MYBBP1A: variants seen among roughly 807,000 people sequenced by gnomAD.
MYBBP1A encodes the protein myb-binding protein 1A.
Under a neutral mutation model 136.3 loss-of-function variants are expected in MYBBP1A, and 147 were observed. The observed-to-expected ratio is 1.08, with a 90% CI of 0.94 to 1.24. The LOEUF is 1.24. Ranked by LOEUF, MYBBP1A falls within the 50% of genes most tolerant of loss-of-function variation. The probability of loss-of-function intolerance (pLI) is 0.00; values close to 1 mark genes in which losing one functional copy is unlikely to be tolerated. For missense variants in MYBBP1A, 2,060 were observed against 1,727.4 expected (o/e 1.19, Z -3.41); for synonymous variants, 947 against 735.8 (o/e 1.29, Z -4.65).
chr17:4,550,485 C>A, intron 8 of MYBBP1A, 132 bp from the exon 9 acceptor site: 4 of 990,592 alleles, frequency 4.0e-6, no homozygotes, highest in East Asian at 4.8e-5. Context: ...CAACAGCCCA[C>A]CAGGCTTGTG....
Position 4,551,928 on chromosome 17 carries a change from C to A in MYBBP1A, c.975G>T (p.Met325Ile). 2.5e-6 allele frequency: 4 copies of A among 1,613,240 alleles called. No individual in the cohort carries two copies. Among genetic ancestry groups the A allele is most frequent in the Non-Finnish European group, 3.4e-6 (4 of 1,179,586 alleles). ...LLTKEQLHLVMQGDVIRHYGE... is the reference protein window; with the variant it reads ...LLTKEQLHLVIQGDVIRHYGE... ...CGTAATGGCGGATCACGTCTCCCTG[C>A]ATCACCAGGTGCAGCTGCTCCTTGG... Residue 325 changes from methionine (M) to isoleucine (I), a missense_variant, in exon 8 of 26, where the codon ATG becomes ATT. Met to Ile is a conservative substitution (Grantham distance 10). Transcript: ENST00000254718.
chr17:4,548,165 G>A lies in MYBBP1A; in HGVS notation c.1702C>T (p.Gln568Ter), dbSNP rs1907164705. 2.5e-6 allele frequency: 4 copies of A among 1,605,148 alleles called. No homozygotes were observed. Among genetic ancestry groups the A allele is most frequent in the Non-Finnish European group, 3.4e-6 (4 of 1,179,988 alleles). Residue 568 changes from glutamine to a stop codon, truncating the protein, a stop_gained, in exon 12 of 26, where the codon CAG becomes TAG. Coordinates refer to ENST00000254718, the MANE Select transcript of MYBBP1A (RefSeq NM_014520.4). LOFTEE classifies it high-confidence loss of function. The surrounding 1 kb of genome is among the most constrained non-coding windows in gnomAD (Gnocchi z 4.2). Reference sequence around the variant, plus strand: ...CACCGGTCCCAGGCCTGGCGCTGCTGCGCAGTGAAGGGTGTCACGGTGGTC... The same window carrying A: ...CACCGGTCCCAGGCCTGGCGCTGCTACGCAGTGAAGGGTGTCACGGTGGTC... ...NVTTVTPFTAQQRQAWDRMLQ... is the reference protein window; with the variant it reads ...NVTTVTPFTA
In MYBBP1A at chr17:4,545,612, C is replaced by G. The variant is rs1311654739; in HGVS notation, c.2071G>C (p.Asp691His). ...LTPRALQLILDVLNPETSEDE... is the reference protein window; with the variant it reads ...LTPRALQLILHVLNPETSEDE... ...CACTCCCAAAGGTCCCAACTCACAT[C>G]CAGAATTAGCTGCAGGGCACGCGGG... The change falls in exon 15 of 26, where the codon GAT (aspartate) becomes CAT (histidine). Residue 691 changes from aspartate (D) to histidine (H), a missense_variant and splice_region_variant. By Grantham distance (81) the Asp-to-His change is moderately conservative. Coordinates refer to ENST00000254718, the MANE Select transcript of MYBBP1A (RefSeq NM_014520.4). The G allele has an allele frequency of 1.3e-6, 2 of 1,581,476 alleles. No individual in the cohort carries two copies. The highest frequency in any genetic ancestry group is 2.7e-5 in the African/African-American group (2 of 74,304).
At chr17:4,553,671 C>T in intron 5 of MYBBP1A, 139 bp downstream of exon 5, 2 of 655,798 alleles carry the variant, frequency 3.0e-6, no homozygotes, top group South Asian at 3.9e-5. Flanking sequence ...TTTACCTTTT[C>T]AACAAAGTCA....
chr17:4,548,425 G>C lies in MYBBP1A; in HGVS notation c.1556+99C>G. 1.2e-6 allele frequency: 2 copies of C among 1,606,520 alleles called. No homozygotes were observed. Among genetic ancestry groups the C allele is most frequent in the African/African-American group, 2.7e-5 (2 of 74,868 alleles). ...TCTCCAGGACCTACTAGAACTCCGG[G>C]GGCCTCTGCCGTTGTTCCCAGCTTA... On this transcript the variant is annotated intron_variant, in intron 11 of 25. Transcript: ENST00000254718. The surrounding 1 kb of genome is among the most constrained non-coding windows in gnomAD (Gnocchi z 4.2).
chr17:4,539,810 C>T lies in MYBBP1A; in HGVS notation c.3592G>A (p.Ala1198Thr), dbSNP rs967751300. Residue 1198 changes from alanine (A) to threonine (T), a missense_variant, in exon 26 of 26, where the codon GCA becomes ACA. By Grantham distance (58) the Ala-to-Thr change is moderately conservative. Coordinates refer to ENST00000254718, the MANE Select transcript of MYBBP1A (RefSeq NM_014520.4). ...DGTPAEDGTP[A>T]ATGGSQPPSM... is the part of the protein sequence containing the mutation. Reference sequence around the variant, plus strand: ...GGGGGCTGGCTCCCGCCGGTGGCTGCAGGTGTGCCATCCTCCGCTGGCGTG... The same window carrying T: ...GGGGGCTGGCTCCCGCCGGTGGCTGTAGGTGTGCCATCCTCCGCTGGCGTG... 1.9e-6 allele frequency: 3 copies of T among 1,611,820 alleles called. No individual in the cohort carries two copies. The highest frequency in any genetic ancestry group is 8.5e-7 in the Non-Finnish European group (1 of 1,180,000).
chr17:4,545,058 G>C lies in MYBBP1A; in HGVS notation c.2278C>G (p.Leu760Val), dbSNP rs775335820. 1.0e-4 allele frequency: 158 copies of C among 1,529,894 alleles called. No individual in the cohort carries two copies. The highest frequency in any genetic ancestry group is 1.3e-4 in the Non-Finnish European group (144 of 1,141,600). The allele number at this position is 1,529,894 out of a possible 1,614,324, so 94.8% of individuals were successfully genotyped here. A position where few individuals can be genotyped will look rare whatever the true frequency, so the allele number is the denominator to read the frequency against. ...TTCCCAGCCTGCAGCACGGTCATCA[G>C]CTGTTCCCGGAAGCCCTGATCCACG... ...GDVDQGFREQ[L>V]MTVLQAGKAL... is the part of the protein sequence containing the mutation. The change falls in exon 17 of 26, where the codon CTG becomes GTG. Residue 760 changes from leucine to valine, a missense_variant. By Grantham distance (32) the Leu-to-Val change is conservative. Transcript: ENST00000254718.
rs754444872 is a variant in MYBBP1A, at chr17:4,542,758, C to G, written c.2893-17G>C. ...GCTGGCAGCCTAGGCCAGGGGAGAGCGAGCTGGGTGAGGCCAGGAGAGGGG... is the reference window on the plus strand; with the variant it reads ...GCTGGCAGCCTAGGCCAGGGGAGAGGGAGCTGGGTGAGGCCAGGAGAGGGG... On this transcript the variant is annotated splice_polypyrimidine_tract_variant and intron_variant, in intron 20 of 25. Coordinates refer to ENST00000254718, the MANE Select transcript of MYBBP1A (RefSeq NM_014520.4). 9 of 1,612,640 alleles carry G rather than the reference C, an allele frequency of 5.6e-6. No homozygotes were observed. The highest frequency in any genetic ancestry group is 5.9e-6 in the Non-Finnish European group (7 of 1,179,186).
chr17:4,553,683 T>C (rs1567614690), intron 5 of MYBBP1A, 127 bp downstream of exon 5: 1 of 702,352 alleles, frequency 1.4e-6, no homozygotes, highest in East Asian at 2.7e-5. Context: ...ACAAAGTCAC[T>C]GAAACGCTTC....
At position 4,547,988 on chromosome 17, in the gene MYBBP1A, A is replaced by G; in HGVS notation, c.1794T>C (p.Leu598=). The change falls in exon 13 of 26, where the codon CTT becomes CTC. Residue 598 remains leucine, a synonymous_variant. Coordinates refer to ENST00000254718, the MANE Select transcript of MYBBP1A (RefSeq NM_014520.4). Reference sequence around the variant, plus strand: ...GGAGGTGGATGCCCACGAGGAGCAGAAGGTGCTGGAAGGCAGCAGCCCTGG... The same window carrying G: ...GGAGGTGGATGCCCACGAGGAGCAGGAGGTGCTGGAAGGCAGCAGCCCTGG... The part of the protein sequence containing the change: ...AEARAAAFQH[L]LLLVGIHLLK... 1 of 1,528,460 alleles carries G rather than the reference A, an allele frequency of 6.5e-7. No homozygotes were observed. The highest frequency in any genetic ancestry group is 8.8e-7 in the Non-Finnish European group (1 of 1,134,546). 94.7% of individuals were successfully genotyped at this position (1,528,460 alleles called of 1,614,324 possible).
chr17:4,544,986 GCCCTCCCCGGCC>G, intron 17 of MYBBP1A, 28 bp downstream of exon 17: 2 of 1,464,170 alleles, frequency 1.4e-6, no homozygotes, highest in Non-Finnish European at 1.8e-6. Context: ...GGACACCCGA[GCCCTCCCCGGCC>G]GCCCCCCCCT....
In MYBBP1A at chr17:4,540,492, G is replaced by A. The variant is rs751790451; in HGVS notation, c.3298-8C>T. On this transcript the variant is annotated splice_polypyrimidine_tract_variant and splice_region_variant and intron_variant, in intron 24 of 25. Transcript: ENST00000254718. ...CAGGTCCAAGGTCAGCTTCTGCAGA[G>A]GGTGGGAAGGCAGAGCTGTGGGGCC... The A allele has an allele frequency of 1.9e-6, 3 of 1,603,930 alleles. No individual in the cohort carries two copies. The highest frequency in any genetic ancestry group is 1.8e-4 in the Middle Eastern group (1 of 5,508).
rs1016763651 is a variant in MYBBP1A at position 4,552,893 on chromosome 17, G to A, written c.562-267C>T. On this transcript the variant is annotated intron_variant, in intron 5 of 25. Transcript: ENST00000254718. This position sits in a 1 kb window ranked among gnomAD's most constrained non-coding sequence, Gnocchi z 4.7. ...TTTGCCACCCAGGCTGAGTATAGTG[G>A]TGTGATCTTGGCTCACTGCAACCTC... Among the ~76,000 whole-genome samples, 2 of 151,164 alleles carry A rather than the reference G, an allele frequency of 1.3e-5. No homozygotes were observed. Among genetic ancestry groups the A allele is most frequent in the African/African-American group, 2.4e-5 (1 of 41,030 alleles).
chr17:4,547,574 C>T (rs1907115357), intron 13 of MYBBP1A: 1 of 194,450 alleles, frequency 5.1e-6, no homozygotes, highest in Non-Finnish European at 1.0e-5. Flanking sequence ...GGTACTGAGC[C>T]TCGAATGTGG....
chr17:4,549,252 A>C, intron 10 of MYBBP1A, 80 bp downstream of exon 10: 2 of 1,227,886 alleles, frequency 1.6e-6, no homozygotes, highest in Non-Finnish European at 2.3e-6. Flanking sequence ...GCTCCAGGGG[A>C]TGCAAACTAG....
At chr17:4,554,169 G>A in intron 3 of MYBBP1A, 26 bp downstream of exon 3, 1 of 1,612,470 alleles carries the variant, frequency 6.2e-7, no homozygotes, top group Non-Finnish European at 8.5e-7. Context: ...CCCTGGGGCT[G>A]CTGACCTCCC....
At chr17:4,551,019 C>T (rs1907462909) in intron 8 of MYBBP1A, among the ~76,000 whole-genome samples, 1 of 152,232 alleles carries the variant, frequency 6.6e-6, no homozygotes, top group Non-Finnish European at 1.5e-5. Flanking sequence ...ATTTTTTAGA[C>T]TTGTGCCCCT....
Position 4,548,805 on chromosome 17 carries a change from G to A in MYBBP1A, c.1431-156C>T, listed in dbSNP as rs1423590471. Among the ~76,000 whole-genome samples, 1 of 152,230 alleles carries A rather than the reference G, an allele frequency of 6.6e-6. No homozygotes were observed. Among genetic ancestry groups the A allele is most frequent in the Non-Finnish European group, 1.5e-5 (1 of 68,038 alleles). On this transcript the variant is annotated intron_variant, in intron 10 of 25. Coordinates refer to ENST00000254718, the MANE Select transcript of MYBBP1A (RefSeq NM_014520.4). This position sits in a 1 kb window ranked among gnomAD's most constrained non-coding sequence, Gnocchi z 4.2. ...CCTCGGGGGCCTGACGGGCAAGGCT[G>A]GAGGGGGCTGGGCTGGGCTAGGATG... is the stretch of plus-strand genomic sequence containing the variant.
At chr17:4,542,265 T>C in intron 22 of MYBBP1A, 199 bp downstream of exon 22, 2 of 634,798 alleles carry the variant, frequency 3.2e-6, no homozygotes, top group Non-Finnish European at 5.4e-6. Flanking sequence ...TCAGCTCCTG[T>C]GTGTTCACTG....
Sources: gnomAD v4.1 joint callset for allele counts (sites outside exome capture counted in the v4.1 genomes callset) on GRCh38, gnomAD v4.1.1 for gene constraint, Gnocchi (gnomAD v3.1) non-coding constraint, MANE v1.5 for transcripts, NCBI Gene and HGNC (gene_info 2026-07-23, HGNC 2026-07-21) for gene names.